The following DDX31 variants were observed in gnomAD, a reference collection of about 807,000 sequenced individuals.
DDX31 encodes the protein ATP-dependent DNA helicase DDX31.
A neutral mutation model predicts 91.3 loss-of-function variants in DDX31; 70 were observed. That is an observed-to-expected ratio of 0.77 (90% CI 0.63 to 0.94). DDX31 has a LOEUF of 0.94. DDX31 is among the 40% of genes least tolerant of loss of function. The pLI, the probability that DDX31 is intolerant of heterozygous loss-of-function variation, is 0.00. For synonymous variants in DDX31, 362 were observed against 350.6 expected, an observed-to-expected ratio of 1.03 and a Z score of -0.36; for missense variants, 902 against 925.0, an observed-to-expected ratio of 0.98 and a Z score of 0.32.
intron 9 of DDX31, 37 bp downstream of exon 9, chr9:132,650,197 T>A (rs1002281731): frequency 6.2e-7 from 1 of 1,602,548 alleles, no homozygotes; most frequent in African/African-American, 1.3e-5. Flanking sequence ...CAGGACACAT[T>A]CAAGAAGGAA....
chr9:132,597,627 C>T (rs910956687), intron 19 of DDX31, among the ~76,000 whole-genome samples: 1 of 152,204 alleles, frequency 6.6e-6, no homozygotes, highest in African/African-American at 2.4e-5. Context: ...CACTAATTGC[C>T]TACAGAAGCG....
At chr9:132,650,386 G>C (rs1204485881) in intron 8 of DDX31, 88 bp from the exon 9 acceptor site, 2 of 1,281,974 alleles carry the variant, frequency 1.6e-6, no homozygotes, top group Non-Finnish European at 2.3e-6. Flanking sequence ...CTTAAACAAG[G>C]CATGGGAGAA....
intron 14 of DDX31, among the ~76,000 whole-genome samples, chr9:132,639,160 CGT>C (rs1363475957): frequency 6.6e-5 from 10 of 152,142 alleles, no homozygotes; most frequent in Admixed American, 2.0e-4. Flanking sequence ...TCTATTACAG[CGT>C]GTGTGTCCCA....
At chr9:132,669,078 A>G (rs1835522278) in intron 1 of DDX31, among the ~76,000 whole-genome samples, 1 of 152,142 alleles carries the variant, frequency 6.6e-6, no homozygotes, top group Admixed American at 6.5e-5. Context: ...GATTGTGGAG[A>G]CCAAGGTTCT....
At chr9:132,659,906 C>T in intron 4 of DDX31, 126 bp from the exon 5 acceptor site, 1 of 768,488 alleles carries the variant, frequency 1.3e-6, no homozygotes, top group Non-Finnish European at 2.2e-6. Context: ...TAGAAGCTAT[C>T]AAAGCATTCA....
At chr9:132,650,470 T>C (rs1834117711) in intron 8 of DDX31, among the ~76,000 whole-genome samples, 172 bp from the exon 9 acceptor site, 1 of 152,258 alleles carries the variant, frequency 6.6e-6, no homozygotes, top group African/African-American at 2.4e-5. Flanking sequence ...CCATGTTCAC[T>C]ATCAGCAGTA....
chr9:132,628,642 T>G (rs1392734720), intron 16 of DDX31, among the ~76,000 whole-genome samples: 1 of 152,120 alleles, frequency 6.6e-6, no homozygotes. Flanking sequence ...CATTAGACAA[T>G]TATCATTGGG....
Position 132,648,527 on chromosome 9 carries a change from A to G in DDX31, c.765T>C (p.Leu255=). 6.2e-7 allele frequency: 1 copy of G among 1,613,124 alleles called. No individual in the cohort carries two copies. The highest frequency in any genetic ancestry group is 8.5e-7 in the Non-Finnish European group (1 of 1,179,724). ...KARLRKGINI[L]ISTPGRLVDH... is the part of the protein sequence containing the mutation. ...CCACCAGGCGTCCAGGAGTTGAGAT[A>G]AGGATATTTATTCCTTTGCGGAGTC... The change falls in exon 10 of 20, where the codon CTT becomes CTC. Residue 255 remains leucine (L), a synonymous_variant. Transcript: ENST00000372159.
intron 5 of DDX31, 61 bp from the exon 6 acceptor site, chr9:132,658,796 A>C (rs191204903): frequency 6.8e-7 from 1 of 1,478,118 alleles, no homozygotes; most frequent in Admixed American, 1.8e-5. Context: ...TAAGAAAAGC[A>C]AAGGATGTAA....
chr9:132,631,567 C>T (rs951007040), intron 15 of DDX31, among the ~76,000 whole-genome samples: 5 of 152,146 alleles, frequency 3.3e-5, no homozygotes, highest in African/African-American at 1.2e-4. Flanking sequence ...AAACTAAAAC[C>T]ACCAGACTCT....
At chr9:132,662,812 C>T (rs1294297314) in intron 1 of DDX31, 117 bp from the exon 2 acceptor site, 4 of 1,334,968 alleles carry the variant, frequency 3.0e-6, no homozygotes, top group Non-Finnish European at 4.1e-6. Context: ...GATCATTATG[C>T]CCCATATGTC....
At chr9:132,652,345 G>T (rs1834244705) in intron 7 of DDX31, 103 bp downstream of exon 7, 1 of 1,365,122 alleles carries the variant, frequency 7.3e-7, no homozygotes, top group Non-Finnish European at 1.0e-6. Context: ...GGTGTGCAGT[G>T]GCTTGTGCAG....
intron 16 of DDX31, among the ~76,000 whole-genome samples, chr9:132,626,399 G>T (rs1252282434): frequency 6.6e-6 from 1 of 152,218 alleles, no homozygotes; most frequent in Non-Finnish European, 1.5e-5. Context: ...CAAGGAGCCA[G>T]AACACAACAG....
intron 18 of DDX31, among the ~76,000 whole-genome samples, chr9:132,613,638 T>G (rs1831473104): frequency 6.6e-6 from 1 of 152,142 alleles, no homozygotes; most frequent in African/African-American, 2.4e-5. Context: ...AGGATGGAGT[T>G]AGCAGAGATG....
intron 19 of DDX31, among the ~76,000 whole-genome samples, chr9:132,610,980 G>A (rs1267027136): frequency 2.6e-5 from 4 of 152,156 alleles, no homozygotes; most frequent in Non-Finnish European, 4.4e-5. Flanking sequence ...GAGAAACGGG[G>A]CCCTGACAAG....
At chr9:132,620,286 A>C (rs943701523) in intron 17 of DDX31, among the ~76,000 whole-genome samples, 2 of 152,094 alleles carry the variant, frequency 1.3e-5, no homozygotes, top group Non-Finnish European at 2.9e-5. Flanking sequence ...AAGAGACCTC[A>C]AGCTTAAGTG....
chr9:132,658,003 T>C (rs1302423323), intron 6 of DDX31: 11 of 323,620 alleles, frequency 3.4e-5, no homozygotes, highest in Non-Finnish European at 4.5e-5. Flanking sequence ...GCCTTCTTGG[T>C]CAAAAGCAAA....
chr9:132,636,552 G>A (rs1436690047), intron 14 of DDX31, among the ~76,000 whole-genome samples: 2 of 152,204 alleles, frequency 1.3e-5, no homozygotes. Context: ...GAAACTCACT[G>A]TGAGTCCAAA....
intron 17 of DDX31, among the ~76,000 whole-genome samples, chr9:132,624,915 G>C (rs994766225): frequency 1.3e-5 from 2 of 152,164 alleles, no homozygotes; most frequent in Non-Finnish European, 2.9e-5. Context: ...TCTTAAGCTT[G>C]ATCTATCTGG....
Sources: gnomAD v4.1 joint callset for allele counts (sites outside exome capture counted in the v4.1 genomes callset) on GRCh38, gnomAD v4.1.1 for gene constraint, MANE v1.5 for transcripts, NCBI Gene and HGNC (gene_info 2026-07-23, HGNC 2026-07-21) for gene names.